CWF19L2: variants seen among roughly 807,000 people sequenced by gnomAD.
The protein encoded by CWF19L2 is CWF19 like cell cycle control factor 2, also known as CWF19-like protein 2.
Under a neutral mutation model 111.7 loss-of-function variants are expected in CWF19L2, and 98 were observed. That is an observed-to-expected ratio of 0.88 (90% confidence interval 0.75 to 1.04). The LOEUF (loss-of-function observed/expected upper bound fraction) is 1.04, where lower values mean the gene tolerates loss of function less well. Ranked by LOEUF, CWF19L2 falls within the 50% of genes least tolerant of loss-of-function variation. CWF19L2 has a pLI of 0.00. For missense variants in CWF19L2, 1,101 were observed against 1,051.4 expected (o/e 1.05, Z -0.65); for synonymous variants, 351 against 342.9 (o/e 1.02, Z -0.26).
chr11:107,434,112 C>T (rs1193348365), intron 6 of CWF19L2, among the ~76,000 whole-genome samples: 1 of 151,612 alleles, frequency 6.6e-6, no homozygotes, highest in East Asian at 1.9e-4. Flanking sequence ...GAAAACTCCA[C>T]AAACCAGGCT....
intron 17 of CWF19L2, among the ~76,000 whole-genome samples, chr11:107,328,889 A>G (rs577860977): frequency 1.3e-4 from 20 of 152,346 alleles, no homozygotes; most frequent in Admixed American, 3.3e-4. Flanking sequence ...GTAATATGTT[A>G]TAACAGTTCA....
chr11:107,353,703 G>C lies in CWF19L2; in HGVS notation c.1906C>G (p.Leu636Val), dbSNP rs1414630311. The C allele has an allele frequency of 6.2e-7, 1 of 1,613,600 alleles. No individual in the cohort carries two copies. Among genetic ancestry groups the C allele is most frequent in the Non-Finnish European group, 8.5e-7 (1 of 1,179,740 alleles). Residue 636 changes from leucine (L) to valine (V), a missense_variant, in exon 13 of 18, where the codon CTG (leucine) becomes GTG (valine). Physicochemically the swap from Leu to Val is conservative, Grantham distance 32. Transcript: ENST00000282251. ...GCTTTGGAGACAAACATGTCATCCA[G>C]GGTGTAATAGTCTCCATCTGTTTTT... ...MGKTDGDYYT[L>V]DDMFVSKAAE...
At chr11:107,415,178 T>C (rs1021924080) in intron 10 of CWF19L2, among the ~76,000 whole-genome samples, 18 of 152,192 alleles carry the variant, frequency 1.2e-4, no homozygotes, top group African/African-American at 4.3e-4. Flanking sequence ...CTATTCTTCC[T>C]ACACATCAGA....
At chr11:107,399,392 A>C (rs751014967) in intron 10 of CWF19L2, among the ~76,000 whole-genome samples, 2 of 152,206 alleles carry the variant, frequency 1.3e-5, no homozygotes, top group Non-Finnish European at 2.9e-5. Context: ...ATTTCACACA[A>C]ATGGACACCA....
At chr11:107,399,651 T>C (rs115950011) in intron 10 of CWF19L2, among the ~76,000 whole-genome samples, 2,637 of 152,180 alleles carry the variant, frequency 0.017, 83 homozygotes, top group African/African-American at 0.06. Context: ...TAGCCCTAGA[T>C]AGGTCATCAA....
intron 10 of CWF19L2, among the ~76,000 whole-genome samples, chr11:107,399,993 A>G (rs548307160): frequency 4.6e-5 from 7 of 152,268 alleles, no homozygotes; most frequent in Middle Eastern, 3.4e-3. Flanking sequence ...AAATCAAGAT[A>G]GAAATTTAAA....
intron 14 of CWF19L2, among the ~76,000 whole-genome samples, chr11:107,347,191 C>T (rs1860092658): frequency 6.6e-6 from 1 of 152,124 alleles, no homozygotes; most frequent in African/African-American, 2.4e-5. Context: ...GTATGCTATG[C>T]TAAAACATCT....
At chr11:107,408,590 C>A (rs574058443) in intron 10 of CWF19L2, among the ~76,000 whole-genome samples, 2 of 151,890 alleles carry the variant, frequency 1.3e-5, no homozygotes, top group African/African-American at 4.8e-5. Flanking sequence ...TATAGTAATA[C>A]TCTATTTCAA....
At chr11:107,330,647 CACA>C (rs1859834791) in intron 16 of CWF19L2, among the ~76,000 whole-genome samples, 12 of 24,708 alleles carry the variant, frequency 4.9e-4, no homozygotes, top group African/African-American at 1.8e-3. Context: ...CCCCCCACCA[CACA>C]CACACACACA....
intron 14 of CWF19L2, among the ~76,000 whole-genome samples, chr11:107,342,867 AGAG>A (rs1325821901): frequency 6.6e-6 from 1 of 152,186 alleles, no homozygotes; most frequent in Admixed American, 6.5e-5. Context: ...TGACTGAAGA[AGAG>A]GAGAAGGCAA....
chr11:107,359,211 G>T (rs1860285311), intron 12 of CWF19L2, among the ~76,000 whole-genome samples: 2 of 152,168 alleles, frequency 1.3e-5, no homozygotes, highest in Non-Finnish European at 2.9e-5. Context: ...CTAGCAGCAA[G>T]GTGAATACAA....
chr11:107,346,519 C>T (rs1860082965), intron 14 of CWF19L2, among the ~76,000 whole-genome samples: 1 of 152,284 alleles, frequency 6.6e-6, no homozygotes, highest in South Asian at 2.1e-4. Context: ...CCATGCTACA[C>T]TGCAGAACCT....
intron 6 of CWF19L2, among the ~76,000 whole-genome samples, chr11:107,436,199 G>A (rs1861539978): frequency 6.6e-6 from 1 of 150,636 alleles, no homozygotes; most frequent in African/African-American, 2.4e-5. Flanking sequence ...ATGTACAATA[G>A]GAAGTACAAA....
At chr11:107,363,358 G>A (rs148375182) in intron 12 of CWF19L2, among the ~76,000 whole-genome samples, 2,007 of 151,970 alleles carry the variant, frequency 0.013, 25 homozygotes, top group South Asian at 0.039. Context: ...AGCAACACCA[G>A]GACACATAAT....
At chr11:107,356,787 C>T (rs1279900475) in intron 12 of CWF19L2, among the ~76,000 whole-genome samples, 1 of 152,096 alleles carries the variant, frequency 6.6e-6, no homozygotes, top group Non-Finnish European at 1.5e-5. Context: ...CCTGTAATCC[C>T]AGCATTTTGG....
chr11:107,441,900 C>A (rs1181818961), intron 4 of CWF19L2, among the ~76,000 whole-genome samples: 3 of 152,206 alleles, frequency 2.0e-5, no homozygotes, highest in Non-Finnish European at 4.4e-5. Flanking sequence ...AAGCCTGGCA[C>A]ACAACAAGCA....
chr11:107,398,542 C>G (rs1217467489), intron 10 of CWF19L2, among the ~76,000 whole-genome samples: 1 of 152,102 alleles, frequency 6.6e-6, no homozygotes, highest in Non-Finnish European at 1.5e-5. Context: ...TTATGTTAAT[C>G]AACCAAACCT....
At chr11:107,405,886 A>T (rs1412371384) in intron 10 of CWF19L2, among the ~76,000 whole-genome samples, 1 of 151,918 alleles carries the variant, frequency 6.6e-6, no homozygotes, top group African/African-American at 2.4e-5. Flanking sequence ...AAATTAAGAA[A>T]TTTTATTTAT....
intron 12 of CWF19L2, 91 bp downstream of exon 12, chr11:107,389,983 G>A: frequency 2.8e-6 from 3 of 1,075,650 alleles, no homozygotes; most frequent in Non-Finnish European, 4.1e-6. Context: ...ATCAAGATTA[G>A]AGAGAACCAG....
Sources: gnomAD v4.1 joint callset for allele counts (sites outside exome capture counted in the v4.1 genomes callset) on GRCh38, gnomAD v4.1.1 for gene constraint, MANE v1.5 for transcripts, NCBI Gene and HGNC (gene_info 2026-07-23, HGNC 2026-07-21) for gene names.